ACTN1: variants seen among roughly 807,000 people sequenced by gnomAD.
The protein encoded by ACTN1 is alpha-actinin-1.
In ACTN1, 30 loss-of-function variants were observed where a neutral mutation model predicts 119.6. The observed-to-expected ratio is 0.25, with a 90% CI of 0.19 to 0.34. ACTN1 has a LOEUF of 0.34. ACTN1 is among the 10% of genes least tolerant of loss of function. The pLI is 1.00. For missense variants in ACTN1, 764 were observed against 1,223.4 expected (o/e 0.62, Z 5.60); for synonymous variants, 429 against 472.6 (o/e 0.91, Z 1.20).
At chr14:68,970,408 G>A (rs2036845130) in intron 1 of ACTN1, among the ~76,000 whole-genome samples, 1 of 152,204 alleles carries the variant, frequency 6.6e-6, no homozygotes, top group Non-Finnish European at 1.5e-5. Flanking sequence ...GCTTAAACAA[G>A]AACCTCAAAC....
At chr14:68,881,955 T>TTTTTTTTTTTTTTAA (rs58500225) in intron 16 of ACTN1, among the ~76,000 whole-genome samples, 1 of 103,002 alleles carries the variant, frequency 9.7e-6, no homozygotes, top group African/African-American at 4.4e-5. Flanking sequence ...TTTTTTTTTT[T>TTTTTTTTTTTTTTAA]GACAGAGTCT....
In ACTN1 at chr14:68,875,099, C is replaced by A. The variant is rs143640239; in HGVS notation, c.2587-82G>T. On this transcript the variant is annotated intron_variant, in intron 21 of 21. Transcript: ENST00000394419. Reference sequence around the variant, plus strand: ...GGCCCGACACAGCCGCAAAGCCTGGCGGCGTGAAGGCAGCATGTGCCGTTT... The same window carrying A: ...GGCCCGACACAGCCGCAAAGCCTGGAGGCGTGAAGGCAGCATGTGCCGTTT... 6.3e-6 allele frequency: 10 copies of A among 1,583,000 alleles called. No homozygotes were observed. In the South Asian group the frequency reaches 7.9e-5, roughly 12 times the overall value.
In ACTN1 at chr14:68,875,002, C is replaced by T. The variant is rs199707794; in HGVS notation, c.2602G>A (p.Asp868Asn). 9.3e-6 allele frequency: 15 copies of T among 1,613,522 alleles called. No individual in the cohort carries two copies. The Admixed American group carries it at 1.7e-4, about 18-fold the overall frequency. ...LAGDKNYITMDELRRELPPDQ... is the reference protein window; with the variant it reads ...LAGDKNYITMNELRRELPPDQ... Reference sequence around the variant, plus strand: ...GGTGGCAGCTCGCGGCGCAGCTCGTCCATGGTAATGTAGTTCTGCGAGGAG... The same window carrying T: ...GGTGGCAGCTCGCGGCGCAGCTCGTTCATGGTAATGTAGTTCTGCGAGGAG... Residue 868 changes from aspartate (D) to asparagine (N), a missense_variant, in exon 22 of 22, where the codon GAC becomes AAC. Physicochemically the swap from Asp to Asn is conservative, Grantham distance 23 (BLOSUM62 1). This residue lies in a region of ACTN1 where 102 missense variants were observed against 78.2 expected (regional missense o/e 1.30). Coordinates refer to ENST00000394419, the MANE Select transcript of ACTN1 (RefSeq NM_001130004.2).
In ACTN1 at chr14:68,880,794, G is replaced by C. The variant is rs1294523028; in HGVS notation, c.2133+16C>G. ...GCCACGGGCTCCCGAAGAGGAACAA[G>C]GCCAGCCCCACCCACCTCCATGGTG... On this transcript the variant is annotated intron_variant, in intron 17 of 21. Transcript: ENST00000394419. This position sits in a 1 kb window ranked among gnomAD's most constrained non-coding sequence, Gnocchi z 4.6. 1 of 1,612,852 alleles carries C rather than the reference G, an allele frequency of 6.2e-7. No homozygotes were observed. Among genetic ancestry groups the C allele is most frequent in the South Asian group, 1.1e-5 (1 of 91,012 alleles).
In ACTN1 at chr14:68,885,234, A is replaced by T; in HGVS notation, c.1385+191T>A. On this transcript the variant is annotated intron_variant, in intron 12 of 21. Coordinates refer to ENST00000394419, the MANE Select transcript of ACTN1 (RefSeq NM_001130004.2). This position sits in a 1 kb window ranked among gnomAD's most constrained non-coding sequence, Gnocchi z 5.6. ...GCGAGAACTGGTGGCCTTTAACAGGATGGCAGTGGTCCCGGGCTCCTTCCC... is the reference window on the plus strand; with the variant it reads ...GCGAGAACTGGTGGCCTTTAACAGGTTGGCAGTGGTCCCGGGCTCCTTCCC... Among the ~76,000 whole-genome samples the T allele has an allele frequency of 6.6e-6, 1 of 151,918 alleles. No individual in the cohort carries two copies. The highest frequency in any genetic ancestry group is 1.9e-4 in the East Asian group (1 of 5,158).
intron 8 of ACTN1, among the ~76,000 whole-genome samples, chr14:68,897,527 T>A (rs959504942): frequency 6.6e-6 from 1 of 152,196 alleles, no homozygotes; most frequent in African/African-American, 2.4e-5. Context: ...AGAGGAACTG[T>A]CCTCAAGGTG....
chr14:68,949,091 T>C (rs558696432), intron 1 of ACTN1, among the ~76,000 whole-genome samples: 4 of 152,306 alleles, frequency 2.6e-5, no homozygotes, highest in Non-Finnish European at 5.9e-5. Flanking sequence ...GCTAGGAAGT[T>C]TTGCATTAGT....
chr14:68,879,500 A>G lies in ACTN1; in HGVS notation c.2281-431T>C, dbSNP rs1483537339. Among the ~76,000 whole-genome samples the G allele has an allele frequency of 4.6e-5, 7 of 152,142 alleles. No individual in the cohort carries two copies. The highest frequency in any genetic ancestry group is 4.6e-4 in the Admixed American group (7 of 15,286). On this transcript the variant is annotated intron_variant, in intron 18 of 21. Transcript: ENST00000394419. The surrounding 1 kb of genome is among the most constrained non-coding windows in gnomAD (Gnocchi z 4.9). ...CCAGGGCACTGGGAAGGGGCAGCCC[A>G]CTAAAACCCAGCCTGACCCAGAGCT...
chr14:68,875,670 A>C (rs1359955798), intron 21 of ACTN1, among the ~76,000 whole-genome samples: 1 of 152,192 alleles, frequency 6.6e-6, no homozygotes, highest in African/African-American at 2.4e-5. Flanking sequence ...TCTGACCCAC[A>C]AGGTAGTCGC....
intron 1 of ACTN1, among the ~76,000 whole-genome samples, chr14:68,958,801 T>C (rs1347738481): frequency 2.0e-5 from 3 of 152,192 alleles, no homozygotes; most frequent in Non-Finnish European, 4.4e-5. Flanking sequence ...TAAGGGGGAC[T>C]TGCCCAGGCC....
At chr14:68,955,082 T>C (rs976156350) in intron 1 of ACTN1, among the ~76,000 whole-genome samples, 4 of 152,168 alleles carry the variant, frequency 2.6e-5, no homozygotes, top group Admixed American at 6.5e-5. Flanking sequence ...ATCATCAGCC[T>C]CCCTCTATTT....
intron 10 of ACTN1, among the ~76,000 whole-genome samples, chr14:68,891,461 G>GA (rs1242335414): frequency 6.6e-6 from 1 of 152,012 alleles, no homozygotes; most frequent in Non-Finnish European, 1.5e-5. Context: ...CAGAAACCGG[G>GA]AAAAAATGTT....
At chr14:68,931,717 G>A (rs1018409108) in intron 1 of ACTN1, among the ~76,000 whole-genome samples, 1 of 152,146 alleles carries the variant, frequency 6.6e-6, no homozygotes, top group East Asian at 1.9e-4. Context: ...GCAGTAGCAC[G>A]TGGAAAATGC....
At chr14:68,945,314 G>C (rs1397421340) in intron 1 of ACTN1, among the ~76,000 whole-genome samples, 1 of 151,914 alleles carries the variant, frequency 6.6e-6, no homozygotes, top group Non-Finnish European at 1.5e-5. Flanking sequence ...GAGGGTGCCA[G>C]AGACTGGAGA....
chr14:68,892,380 G>A, intron 9 of ACTN1, 97 bp from the exon 10 acceptor site: 7 of 1,287,056 alleles, frequency 5.4e-6, no homozygotes, highest in Non-Finnish European at 7.6e-6. Flanking sequence ...TCCCACATGG[G>A]GAAGGGGTCT....
Position 68,879,973 on chromosome 14 carries a change from G to T in ACTN1, c.2269C>A (p.His757Asn). The change falls in exon 18 of 22, where the codon CAC (histidine) becomes AAC (asparagine). Residue 757 changes from histidine (H) to asparagine (N), a missense_variant. Around this residue, in one of 4 missense-constraint regions of ACTN1, gnomAD observed 544 missense variants for 912.0 expected, o/e 0.60. Coordinates refer to ENST00000394419, the MANE Select transcript of ACTN1 (RefSeq NM_001130004.2). This position sits in a 1 kb window ranked among gnomAD's most constrained non-coding sequence, Gnocchi z 4.9. ...QMNEFRASFNHFDRDHSGTLG... is the reference protein window; with the variant it reads ...QMNEFRASFNNFDRDHSGTLG... Reference sequence around the variant, plus strand: ...GATGGGGCTCTCACCCGGTCAAAGTGGTTGAAGGAGGCCCGGAACTCATTC... The same window carrying T: ...GATGGGGCTCTCACCCGGTCAAAGTTGTTGAAGGAGGCCCGGAACTCATTC... 1 of 1,614,170 alleles carries T rather than the reference G, an allele frequency of 6.2e-7. No homozygotes were observed. The highest frequency in any genetic ancestry group is 8.5e-7 in the Non-Finnish European group (1 of 1,179,984).
At chr14:68,905,213 C>T (rs1402429792) in intron 6 of ACTN1, among the ~76,000 whole-genome samples, 1 of 150,650 alleles carries the variant, frequency 6.6e-6, no homozygotes, top group Non-Finnish European at 1.5e-5. Context: ...CTCTGGTGCT[C>T]ACATTTCATG....
chr14:68,963,314 C>T (rs1370491946), intron 1 of ACTN1, among the ~76,000 whole-genome samples: 3 of 152,220 alleles, frequency 2.0e-5, no homozygotes, highest in Admixed American at 1.3e-4. Context: ...CTCTCACTCA[C>T]AGGCCTCCTT....
At chr14:68,951,078 G>A (rs974687468) in intron 1 of ACTN1, among the ~76,000 whole-genome samples, 1 of 152,218 alleles carries the variant, frequency 6.6e-6, no homozygotes, top group Non-Finnish European at 1.5e-5. Context: ...CGGCAGGGCA[G>A]CTGGATAGCA....
Sources: gnomAD v4.1 joint callset for allele counts (sites outside exome capture counted in the v4.1 genomes callset) on GRCh38, gnomAD v4.1.1 for gene constraint, gnomAD v4.1.1 regional missense constraint, Gnocchi (gnomAD v3.1) non-coding constraint, MANE v1.5 for transcripts, NCBI Gene and HGNC (gene_info 2026-07-23, HGNC 2026-07-21) for gene names.